CSMD1: variants seen among roughly 807,000 people sequenced by gnomAD.
The protein encoded by CSMD1 is CUB and Sushi multiple domains 1, also known as CUB and sushi domain-containing protein 1.
In CSMD1, 213 loss-of-function variants were observed where a neutral mutation model predicts 417.5. The ratio of observed to expected loss-of-function variants is 0.51; its 90% CI spans 0.46 to 0.57. The LOEUF is 0.57. Among genes scored for constraint, CSMD1 ranks in the 20% least tolerant of loss-of-function variants. CSMD1 has a pLI of 0.00. For missense variants in CSMD1, 6,923 were observed against 4,529.7 expected (o/e 1.53, Z -15.17); for synonymous variants, 2,862 against 1,736.8 (o/e 1.65, Z -16.11).
At chr8:4,405,673 C>T (rs1352732254) in intron 3 of CSMD1, among the ~76,000 whole-genome samples, 2 of 152,230 alleles carry the variant, frequency 1.3e-5, no homozygotes, top group Admixed American at 6.5e-5. Flanking sequence ...ACACATCACT[C>T]ATCGCTAAGC....
intron 6 of CSMD1, among the ~76,000 whole-genome samples, chr8:3,745,816 T>C (rs961500430): frequency 6.6e-6 from 1 of 152,158 alleles, no homozygotes; most frequent in Non-Finnish European, 1.5e-5. Context: ...CCTTTGAAGG[T>C]TTCCTGGTTT....
At chr8:3,897,526 G>C (rs567024748) in intron 5 of CSMD1, among the ~76,000 whole-genome samples, 1 of 151,750 alleles carries the variant, frequency 6.6e-6, no homozygotes, top group African/African-American at 2.4e-5. Context: ...CTTAAAGCCT[G>C]TGTACACTAT....
chr8:4,943,649 C>T (rs1016645286), intron 1 of CSMD1, among the ~76,000 whole-genome samples: 26 of 152,124 alleles, frequency 1.7e-4, no homozygotes, highest in Admixed American at 3.3e-4. Flanking sequence ...CTATGTTGTC[C>T]AAGTTATCCT....
At chr8:3,651,251 G>A (rs1184777521) in intron 7 of CSMD1, among the ~76,000 whole-genome samples, 3 of 152,040 alleles carry the variant, frequency 2.0e-5, no homozygotes, top group African/African-American at 7.3e-5. Flanking sequence ...CACCCCTTTG[G>A]TTGAAACACC....
intron 54 of CSMD1, among the ~76,000 whole-genome samples, chr8:2,994,600 T>A (rs1422923501): frequency 2.6e-5 from 4 of 152,252 alleles, no homozygotes; most frequent in African/African-American, 9.6e-5. Flanking sequence ...ACAACTCATA[T>A]GTGGTAAATG....
chr8:4,053,919 A>C (rs180905966), intron 3 of CSMD1, among the ~76,000 whole-genome samples: 56 of 152,300 alleles, frequency 3.7e-4, no homozygotes, highest in African/African-American at 1.3e-3. Flanking sequence ...GGAAAATAAA[A>C]ATGTATTTAC....
intron 1 of CSMD1, among the ~76,000 whole-genome samples, chr8:4,838,507 T>C (rs943572911): frequency 6.6e-6 from 1 of 152,252 alleles, no homozygotes; most frequent in Admixed American, 6.5e-5. Flanking sequence ...GTCTCATAAC[T>C]TTCCCTTGAT....
chr8:3,284,454 A>C, intron 25 of CSMD1, 108 bp from the exon 26 acceptor site: 3 of 748,894 alleles, frequency 4.0e-6, no homozygotes, highest in Non-Finnish European at 6.8e-6. Flanking sequence ...CCCCACCAAC[A>C]TGTGCCTCGG....
At chr8:4,235,553 A>C (rs1801996829) in intron 3 of CSMD1, among the ~76,000 whole-genome samples, 1 of 151,996 alleles carries the variant, frequency 6.6e-6, no homozygotes, top group Admixed American at 6.5e-5. Context: ...TGCTCCGAAT[A>C]TTTTCTTGTG....
chr8:4,871,452 A>G (rs560206639), intron 1 of CSMD1, among the ~76,000 whole-genome samples: 8 of 152,154 alleles, frequency 5.3e-5, no homozygotes, highest in South Asian at 2.1e-4. Context: ...GCTGAGCCAC[A>G]TAAAGAAAGA....
intron 12 of CSMD1, among the ~76,000 whole-genome samples, chr8:3,415,784 A>T (rs1338538124): frequency 6.6e-6 from 1 of 152,214 alleles, no homozygotes; most frequent in Non-Finnish European, 1.5e-5. Context: ...GAGATCTGGA[A>T]AAATGGAAAA....
intron 3 of CSMD1, among the ~76,000 whole-genome samples, chr8:4,218,680 T>A (rs1800837487): frequency 6.6e-6 from 1 of 152,210 alleles, no homozygotes; most frequent in South Asian, 2.1e-4. Flanking sequence ...CTCTAAAGCT[T>A]GGATACATCT....
intron 5 of CSMD1, among the ~76,000 whole-genome samples, chr8:3,868,549 C>A (rs934658033): frequency 6.6e-6 from 1 of 152,136 alleles, no homozygotes; most frequent in South Asian, 2.1e-4. Flanking sequence ...GCAGCCTGAA[C>A]CCTGTTCTGA....
At chr8:3,877,016 G>C (rs35969831) in intron 5 of CSMD1, among the ~76,000 whole-genome samples, 8,982 of 152,276 alleles carry the variant, frequency 0.059, 338 homozygotes, top group South Asian at 0.15. Flanking sequence ...CATATGAAAT[G>C]TGAGCATTTT....
chr8:3,506,125 G>C (rs532233557), intron 10 of CSMD1, among the ~76,000 whole-genome samples: 1 of 152,180 alleles, frequency 6.6e-6, no homozygotes, highest in Non-Finnish European at 1.5e-5. Flanking sequence ...CCAGGTGATA[G>C]GTGCGGCGGC....
chr8:4,490,106 T>C (rs1289403826), intron 2 of CSMD1, among the ~76,000 whole-genome samples: 1 of 151,104 alleles, frequency 6.6e-6, no homozygotes, highest in African/African-American at 2.4e-5. Context: ...AGTGGCAGGA[T>C]CTTGGCTAAC....
intron 5 of CSMD1, among the ~76,000 whole-genome samples, chr8:3,787,948 C>G (rs1023540166): frequency 6.6e-6 from 1 of 152,124 alleles, no homozygotes; most frequent in Non-Finnish European, 1.5e-5. Flanking sequence ...GGCAGAAATC[C>G]TTGCATGGGC....
intron 2 of CSMD1, among the ~76,000 whole-genome samples, chr8:4,443,271 ATCTTCGCCT>A (rs1798587142): frequency 6.6e-6 from 1 of 152,286 alleles, no homozygotes; most frequent in African/African-American, 2.4e-5. Context: ...GCATCAATCA[ATCTTCGCCT>A]AAGTTTTGTA....
intron 3 of CSMD1, among the ~76,000 whole-genome samples, chr8:4,339,698 T>G (rs933761494): frequency 6.6e-6 from 1 of 151,672 alleles, no homozygotes; most frequent in Non-Finnish European, 1.5e-5. Context: ...CAGGTTTGAG[T>G]GAGTGAGAAG....
Sources: allele counts gnomAD v4.1 joint callset (sites outside exome capture counted in the v4.1 genomes callset), GRCh38; gene constraint gnomAD v4.1.1; transcripts MANE v1.5; gene names NCBI Gene and HGNC (gene_info 2026-07-23, HGNC 2026-07-21).